QTMAN: variants seen among roughly 807,000 people sequenced by gnomAD.
QTMAN encodes tRNA-queuosine alpha-mannosyltransferase.
chr2:144,040,624 G>C, the QTMAN span, among the ~76,000 whole-genome samples: 1 of 151,798 alleles, frequency 6.6e-6, no homozygotes, highest in African/African-American at 2.4e-5. Flanking sequence ...TCCAATAACT[G>C]GAACGAAAGA....
At chr2:143,957,130 C>A in the QTMAN span, 1 of 1,250,768 alleles carries the variant, frequency 8.0e-7, no homozygotes. Flanking sequence ...GAAATAACAG[C>A]GAACACACAT....
the QTMAN span, among the ~76,000 whole-genome samples, chr2:144,102,773 G>GC: frequency 6.6e-6 from 1 of 152,144 alleles, no homozygotes; most frequent in Non-Finnish European, 1.5e-5. Flanking sequence ...GTACTCTCTA[G>GC]CACCCAGCAC....
At chr2:144,092,411 GT>G in the QTMAN span, among the ~76,000 whole-genome samples, 1 of 152,014 alleles carries the variant, frequency 6.6e-6, no homozygotes, top group Non-Finnish European at 1.5e-5. Context: ...TCCTGACCTT[GT>G]GATCCGCCCA....
chr2:144,330,584 A>G, the QTMAN span, among the ~76,000 whole-genome samples: 1 of 152,216 alleles, frequency 6.6e-6, no homozygotes, highest in Admixed American at 6.5e-5. Context: ...TAATGTTTAA[A>G]CTCACAGAAT....
the QTMAN span, among the ~76,000 whole-genome samples, chr2:144,055,334 GACACAC>G: frequency 9.8e-4 from 130 of 132,850 alleles, 1 homozygote; most frequent in African/African-American, 1.5e-3. Context: ...CAGACACACA[GACACAC>G]ACACACACAC....
the QTMAN span, among the ~76,000 whole-genome samples, chr2:144,144,666 G>T: frequency 6.6e-6 from 1 of 151,886 alleles, no homozygotes; most frequent in South Asian, 2.1e-4. Context: ...AATTGAAGCA[G>T]CTTGTAAAAA....
At chr2:144,085,233 T>C in the QTMAN span, among the ~76,000 whole-genome samples, 2 of 152,254 alleles carry the variant, frequency 1.3e-5, no homozygotes, top group Admixed American at 6.5e-5. Context: ...TAAAATGTTA[T>C]TTACAAAAAA....
chr2:143,969,775 T>A, the QTMAN span, among the ~76,000 whole-genome samples: 2 of 152,138 alleles, frequency 1.3e-5, no homozygotes, highest in Non-Finnish European at 2.9e-5. Flanking sequence ...AAGGTCAGTA[T>A]CCACAGCTGC....
the QTMAN span, among the ~76,000 whole-genome samples, chr2:144,097,360 A>G: frequency 6.6e-6 from 1 of 152,196 alleles, no homozygotes; most frequent in South Asian, 2.1e-4. Context: ...TTAACCATAG[A>G]AATACTTGAC....
the QTMAN span, chr2:143,952,705 A>G: frequency 8.8e-7 from 1 of 1,130,638 alleles, no homozygotes; most frequent in South Asian, 1.3e-5. Context: ...TTTATTTTCA[A>G]ACTTTCTAAT....
the QTMAN span, among the ~76,000 whole-genome samples, chr2:144,215,610 CCT>C: frequency 6.6e-6 from 1 of 151,970 alleles, no homozygotes; most frequent in African/African-American, 2.4e-5. Flanking sequence ...AAATATTAAC[CCT>C]CTTTCAATTT....
the QTMAN span, among the ~76,000 whole-genome samples, chr2:144,300,633 A>C: frequency 6.6e-6 from 1 of 152,198 alleles, no homozygotes; most frequent in East Asian, 1.9e-4. Context: ...GTGAAAAAAG[A>C]AAGCTTGAGG....
chr2:144,162,823 T>A, the QTMAN span, among the ~76,000 whole-genome samples: 1 of 152,144 alleles, frequency 6.6e-6, no homozygotes, highest in Non-Finnish European at 1.5e-5. Context: ...GATGTGTCTA[T>A]CAGCTGACTC....
chr2:144,185,903 G>T, the QTMAN span, among the ~76,000 whole-genome samples: 1 of 152,166 alleles, frequency 6.6e-6, no homozygotes. Context: ...ATAGACATAG[G>T]AAAGATAGTT....
the QTMAN span, among the ~76,000 whole-genome samples, chr2:144,297,900 GAA>G: frequency 6.6e-4 from 96 of 144,682 alleles, 1 homozygote; most frequent in Non-Finnish European, 1.3e-3. Flanking sequence ...TCTTAAAAAA[GAA>G]AAAAAAAGTC....
chr2:144,230,484 G>A, the QTMAN span, among the ~76,000 whole-genome samples: 1 of 151,938 alleles, frequency 6.6e-6, no homozygotes, highest in Admixed American at 6.6e-5. Flanking sequence ...ACAAACCTAG[G>A]CCACCATTCA....
the QTMAN span, among the ~76,000 whole-genome samples, chr2:144,276,893 C>A: frequency 6.6e-6 from 1 of 152,146 alleles, no homozygotes; most frequent in African/African-American, 2.4e-5. Flanking sequence ...TAAAATACAG[C>A]AAGTCATTAT....
chr2:144,317,159 T>A, the QTMAN span, among the ~76,000 whole-genome samples: 1 of 152,162 alleles, frequency 6.6e-6, no homozygotes, highest in Non-Finnish European at 1.5e-5. Context: ...TTAGATCTCA[T>A]TCTCCCTTTT....
the QTMAN span, among the ~76,000 whole-genome samples, chr2:144,291,186 T>A: frequency 1.3e-5 from 2 of 152,218 alleles, no homozygotes; most frequent in African/African-American, 4.8e-5. Context: ...CCTAACAATC[T>A]AATGCTAATT....
Sources: allele counts gnomAD v4.1 joint callset (sites outside exome capture counted in the v4.1 genomes callset), GRCh38; gene constraint gnomAD v4.1.1; transcripts MANE v1.5; gene names NCBI Gene and HGNC (gene_info 2026-07-23, HGNC 2026-07-21).